DNM1: variants seen among roughly 807,000 people sequenced by gnomAD.
DNM1 encodes dynamin 1, also known as dynamin-1.
A neutral mutation model predicts 104.6 loss-of-function variants in DNM1; 29 were observed. The observed-to-expected ratio is 0.28, with a 90% CI of 0.21 to 0.38. DNM1 has a LOEUF of 0.38. Among genes scored for constraint, DNM1 ranks in the 10% least tolerant of loss-of-function variants. DNM1 has a pLI of 1.00. For synonymous variants in DNM1, 445 were observed against 475.8 expected (o/e 0.94, Z 0.84); for missense variants, 640 against 1,189.4 (o/e 0.54, Z 6.79).
chr9:128,248,491 C>A lies in DNM1; in HGVS notation c.1906-92C>A. On this transcript the variant is annotated intron_variant, in intron 18 of 21. Transcript: ENST00000372923. The surrounding 1 kb of genome is among the most constrained non-coding windows in gnomAD (Gnocchi z 5.6). ...TCGCTTCTCTCTGTGCCTCAATATTCTGGGTACCCTTGGAGGGGCTGAGAT... is the reference window on the plus strand; with the variant it reads ...TCGCTTCTCTCTGTGCCTCAATATTATGGGTACCCTTGGAGGGGCTGAGAT... 6.8e-7 allele frequency: 1 copy of A among 1,474,508 alleles called. No individual in the cohort carries two copies. The highest frequency in any genetic ancestry group is 9.2e-7 in the Non-Finnish European group (1 of 1,081,280). 91.3% of individuals were successfully genotyped at this position (1,474,508 alleles called of 1,614,324 possible). A position where few individuals can be genotyped will look rare whatever the true frequency, so the allele number is the denominator to read the frequency against.
At position 128,252,889 on chromosome 9, in the gene DNM1, C is replaced by T. The variant is rs959786762; in HGVS notation, c.2535-1765C>T. On this transcript the variant is annotated intron_variant, in intron 21 of 21. Coordinates refer to ENST00000372923, the MANE Select transcript of DNM1 (RefSeq NM_004408.4). ...CCCAGATCCATGCTGCACGCGCCGC[C>T]GGCCAGTGAGGGTGCTGGGCACTGG... 20 of 686,914 alleles carry T rather than the reference C, an allele frequency of 2.9e-5. No individual in the cohort carries two copies. The African/African-American group carries it at 3.0e-4, about 10-fold the overall frequency. The allele number at this position is 686,914 out of a possible 1,614,324, so 42.6% of individuals were successfully genotyped here. A position where few individuals can be genotyped will look rare whatever the true frequency, so the allele number is the denominator to read the frequency against.
At chr9:128,250,444 T>TCACCGGGGTGGCTCC in intron 20 of DNM1, 88 bp downstream of exon 20, 1 of 1,366,394 alleles carries the variant, frequency 7.3e-7, no homozygotes, top group South Asian at 1.5e-5. Context: ...CGCGCCCGCG[T>TCACCGGGGTGGCTCC]CACCGGGGTG....
intron 1 of DNM1, among the ~76,000 whole-genome samples, chr9:128,211,890 C>T (rs1436381332): frequency 1.3e-5 from 2 of 152,140 alleles, no homozygotes; most frequent in African/African-American, 2.4e-5. Flanking sequence ...TGGCAGAGGG[C>T]GGCTCCAACC....
At chr9:128,219,897 C>G (rs148707662) in intron 4 of DNM1, 91 bp from the exon 5 acceptor site, 4 of 1,015,266 alleles carry the variant, frequency 3.9e-6, no homozygotes, top group Non-Finnish European at 5.8e-6. Context: ...GGCAGGGGGC[C>G]GAGGAGAGCA....
chr9:128,244,605 C>T (rs1207858102), intron 15 of DNM1: 3 of 338,490 alleles, frequency 8.9e-6, no homozygotes, highest in Non-Finnish European at 1.9e-5. Flanking sequence ...CACAGGGTGG[C>T]ACCCCCATCC....
chr9:128,230,421 ATTTATTTATTTC>A lies in DNM1; in HGVS notation c.1336-3588_1336-3577del, dbSNP rs1352268382. Reference sequence around the variant, plus strand: ...TATTTTCTCTTCACAAATTTTATTTATTTATTTATTTCTTTATTTATTTTTATTATTACTATT... The same window carrying A: ...TATTTTCTCTTCACAAATTTTATTTATTTATTTATTTTTATTATTACTATT... On this transcript the variant is annotated intron_variant, in intron 10 of 21. Transcript: ENST00000372923. 4.7e-3 allele frequency among the ~76,000 whole-genome samples: 706 copies of A among 149,642 alleles called. 3 individuals carry two copies. Among genetic ancestry groups the A allele is most frequent in the African/African-American group, 0.015 (619 of 40,866 alleles).
At position 128,218,862 on chromosome 9, in the gene DNM1, A is replaced by G. The variant is rs1001616457; in HGVS notation, c.385+131A>G. 2.9e-6 allele frequency: 4 copies of G among 1,373,036 alleles called. No individual in the cohort carries two copies. The South Asian group carries it at 5.6e-5, about 19-fold the overall frequency. 85.1% of individuals were successfully genotyped at this position (1,373,036 alleles called of 1,614,324 possible). ...TCTGCATCATCCTATTCCAAGCTCCACCCTGCCGTGATTCCGCCCACTTCC... is the reference window on the plus strand; with the variant it reads ...TCTGCATCATCCTATTCCAAGCTCCGCCCTGCCGTGATTCCGCCCACTTCC... On this transcript the variant is annotated intron_variant, in intron 3 of 21. Transcript: ENST00000372923. This position sits in a 1 kb window ranked among gnomAD's most constrained non-coding sequence, Gnocchi z 4.8.
At chr9:128,246,951 T>C (rs1836867542) in intron 16 of DNM1, 2 of 237,348 alleles carry the variant, frequency 8.4e-6, no homozygotes, top group Non-Finnish European at 1.7e-5. Flanking sequence ...GTGGCAGTAC[T>C]AGTCCTCTTC....
At chr9:128,232,741 C>T (rs775203425) in intron 10 of DNM1, 1 of 152,516 alleles carries the variant, frequency 6.6e-6, no homozygotes, top group Non-Finnish European at 1.5e-5. Context: ...GGTGGGCCCA[C>T]AGGACTGGAG....
Position 128,203,512 on chromosome 9 carries a change from C to T in DNM1, c.42C>T (p.Asn14=). ...TGGAAGATCTCATCCCGCTGGTCAACCGGCTGCAAGACGCCTTCTCTGCCA... is the reference window on the plus strand; with the variant it reads ...TGGAAGATCTCATCCCGCTGGTCAATCGGCTGCAAGACGCCTTCTCTGCCA... ...RGMEDLIPLV[N]RLQDAFSAIG... is the part of the protein sequence containing the mutation. Residue 14 remains asparagine, a synonymous_variant, in exon 1 of 22, where the codon AAC becomes AAT. Coordinates refer to ENST00000372923, the MANE Select transcript of DNM1 (RefSeq NM_004408.4). This position sits in a 1 kb window ranked among gnomAD's most constrained non-coding sequence, Gnocchi z 5.3. The T allele has an allele frequency of 2.6e-6, 4 of 1,539,652 alleles. No homozygotes were observed. Among genetic ancestry groups the T allele is most frequent in the Non-Finnish European group, 2.6e-6 (3 of 1,146,398 alleles).
Position 128,203,627 on chromosome 9 carries a change from G to A in DNM1, c.157G>A (p.Gly53Ser), listed in dbSNP as rs1833624471. The A allele has an allele frequency of 1.3e-6, 2 of 1,530,348 alleles. No individual in the cohort carries two copies. Among genetic ancestry groups the A allele is most frequent in the Admixed American group, 2.0e-5 (1 of 50,030 alleles). 94.8% of individuals were successfully genotyped at this position (1,530,348 alleles called of 1,614,324 possible). Residue 53 changes from glycine to serine, a missense_variant, in exon 1 of 22, where the codon GGC becomes AGC. Transcript: ENST00000372923. This position sits in a 1 kb window ranked among gnomAD's most constrained non-coding sequence, Gnocchi z 5.3. The part of the protein sequence containing the change: ...GKSSVLENFV[G>S]RDFLPRGSGI... ...GAGCTCGGTGCTCGAGAATTTCGTA[G>A]GCAGGTAGGCGCGGCGCGCCCCCAG... is the stretch of plus-strand genomic sequence containing the variant.
intron 19 of DNM1, among the ~76,000 whole-genome samples, chr9:128,249,450 A>C (rs1588455701): frequency 6.6e-6 from 1 of 152,126 alleles, no homozygotes; most frequent in East Asian, 1.9e-4. Context: ...TGAAGTTGGG[A>C]TTTTGAGACC....
chr9:128,244,457 G>A (rs1048685481), intron 15 of DNM1, among the ~76,000 whole-genome samples: 1 of 152,012 alleles, frequency 6.6e-6, no homozygotes, highest in Non-Finnish European at 1.5e-5. Context: ...TCAACCACCA[G>A]CCCTCAGGTT....
In DNM1 at chr9:128,204,553, G is replaced by A. The variant is rs7851473; in HGVS notation, c.161+922G>A. On this transcript the variant is annotated intron_variant, in intron 1 of 21. Transcript: ENST00000372923. Reference sequence around the variant, plus strand: ...GACAAAGGGTCGTGGGTTTAGCGGGGCAGGCAGGGTCGTGACCCGCAGGCT... The same window carrying A: ...GACAAAGGGTCGTGGGTTTAGCGGGACAGGCAGGGTCGTGACCCGCAGGCT... Among the ~76,000 whole-genome samples the A allele has an allele frequency of 2.2e-3, 338 of 152,338 alleles. 2 individuals carry two copies. The highest frequency in any genetic ancestry group is 7.6e-3 in the African/African-American group (317 of 41,568).
At chr9:128,250,645 A>G in intron 20 of DNM1, 80 bp from the exon 21 acceptor site, 1 of 1,232,522 alleles carries the variant, frequency 8.1e-7, no homozygotes, top group Non-Finnish European at 1.1e-6. Context: ...CGTGGCCAGC[A>G]CTGGGCTGGG....
At chr9:128,244,860 G>A (rs182137771) in intron 15 of DNM1, 8 of 512,406 alleles carry the variant, frequency 1.6e-5, no homozygotes, top group South Asian at 5.8e-5. Context: ...CTGTCCATCC[G>A]GTGGGCGCTT....
chr9:128,247,295 C>T lies in DNM1; in HGVS notation c.1782-80C>T. 1.0e-6 allele frequency: 1 copy of T among 973,564 alleles called. No individual in the cohort carries two copies. The highest frequency in any genetic ancestry group is 1.6e-5 in the South Asian group (1 of 64,204). The allele number at this position is 973,564 out of a possible 1,614,324, so 60.3% of individuals were successfully genotyped here. A position where few individuals can be genotyped will look rare whatever the true frequency, so the allele number is the denominator to read the frequency against. On this transcript the variant is annotated intron_variant, in intron 16 of 21. Coordinates refer to ENST00000372923, the MANE Select transcript of DNM1 (RefSeq NM_004408.4). The surrounding 1 kb of genome is among the most constrained non-coding windows in gnomAD (Gnocchi z 5.1). ...TGAGCTGGCCTCAGGCATGTTGACC[C>T]CAAAGTCTGGGCATGCCCTTAACCC... is the stretch of plus-strand genomic sequence containing the variant.
chr9:128,203,503 G>T lies in DNM1; in HGVS notation c.33G>T (p.Pro11=), dbSNP rs1157955248. 6.5e-7 allele frequency: 1 copy of T among 1,534,558 alleles called. No individual in the cohort carries two copies. The highest frequency in any genetic ancestry group is 8.7e-7 in the Non-Finnish European group (1 of 1,143,946). ...ACCGCGGCATGGAAGATCTCATCCC[G>T]CTGGTCAACCGGCTGCAAGACGCCT... MGNRGMEDLI[P]LVNRLQDAFS... Residue 11 remains proline, a synonymous_variant, in exon 1 of 22, where the codon CCG becomes CCT. Coordinates refer to ENST00000372923, the MANE Select transcript of DNM1 (RefSeq NM_004408.4). The surrounding 1 kb of genome is among the most constrained non-coding windows in gnomAD (Gnocchi z 5.3).
chr9:128,250,895 C>T lies in DNM1; in HGVS notation c.2489C>T (p.Pro830Leu), dbSNP rs1829477651. 3 of 1,372,162 alleles carry T rather than the reference C, an allele frequency of 2.2e-6. No individual in the cohort carries two copies. The highest frequency in any genetic ancestry group is 2.9e-5 in the East Asian group (1 of 34,380). 85.0% of individuals were successfully genotyped at this position (1,372,162 alleles called of 1,614,324 possible). A position where few individuals can be genotyped will look rare whatever the true frequency, so the allele number is the denominator to read the frequency against. Reference sequence around the variant, plus strand: ...TCCCCTGACCCTTTCGGCCCTCCCCCTCAGGTGCCCTCGCGCCCCAACCGC... The same window carrying T: ...TCCCCTGACCCTTTCGGCCCTCCCCTTCAGGTGCCCTCGCGCCCCAACCGC... ...GASPDPFGPP[P>L]QVPSRPNRAP... The change falls in exon 21 of 22, where the codon CCT becomes CTT. Residue 830 changes from proline (P) to leucine (L), a missense_variant. By Grantham distance (98) the Pro-to-Leu change is moderately conservative. This residue lies in a region of DNM1 where 129 missense variants were observed against 224.6 expected (regional missense o/e 0.57). Coordinates refer to ENST00000372923, the MANE Select transcript of DNM1 (RefSeq NM_004408.4).
Sources: gnomAD v4.1 joint callset for allele counts (sites outside exome capture counted in the v4.1 genomes callset) on GRCh38, gnomAD v4.1.1 for gene constraint, gnomAD v4.1.1 regional missense constraint, Gnocchi (gnomAD v3.1) non-coding constraint, MANE v1.5 for transcripts, NCBI Gene and HGNC (gene_info 2026-07-23, HGNC 2026-07-21) for gene names.